The following ADGRL2 variants were observed in gnomAD, a reference collection of about 807,000 sequenced individuals.
ADGRL2 encodes calcium-independent alpha-latrotoxin receptor 2.
ADGRL2 carries 44 observed loss-of-function variants against 157.4 expected under a neutral mutation model. The ratio of observed to expected loss-of-function variants is 0.28; its 90% CI spans 0.22 to 0.36. The LOEUF (loss-of-function observed/expected upper bound fraction) is 0.36, where lower values mean the gene tolerates loss of function less well. Ranked by LOEUF, ADGRL2 falls within the 10% of genes least tolerant of loss-of-function variation. ADGRL2 has a pLI of 1.00. For synonymous variants in ADGRL2, 585 were observed against 624.7 expected (o/e 0.94, Z 0.95); for missense variants, 1,510 against 1,768.9 (o/e 0.85, Z 2.63).
At position 81,700,952 on chromosome 1, in the gene ADGRL2, G is replaced by C. The variant is rs117692514; in HGVS notation, c.-143+1144G>C. 4.6e-5 allele frequency among the ~76,000 whole-genome samples: 7 copies of C among 152,344 alleles called. No individual in the cohort carries two copies. In the East Asian group the frequency reaches 1.4e-3, roughly 29 times the overall value. On this transcript the variant is annotated intron_variant, in intron 1 of 20. Transcript: ENST00000359929. ...TGCCAGCTCTGTGTATAATTACACA[G>C]CATGAGAGTTTGCATGCAAATGCAG...
chr1:81,902,419 G>A lies in ADGRL2; in HGVS notation c.74-4598G>A, dbSNP rs189129469. ...TTGAGACCAGCCTGGCCAACATGGC[G>A]AAACCTCATCTCTACTAAAAATACA... On this transcript the variant is annotated intron_variant, in intron 2 of 23. Coordinates refer to ENST00000686636, the MANE Select transcript of ADGRL2 (RefSeq NM_001366006.2). 7.2e-5 allele frequency among the ~76,000 whole-genome samples: 11 copies of A among 152,190 alleles called. No homozygotes were observed. The East Asian group carries it at 7.7e-4, about 11-fold the overall frequency.
At chr1:81,373,821 T>A (rs1308090277) in intron 1 of ADGRL2, among the ~76,000 whole-genome samples, 2 of 152,158 alleles carry the variant, frequency 1.3e-5, no homozygotes, top group Admixed American at 1.3e-4. Context: ...AAATTGCAGA[T>A]GATTCAAAAC....
chr1:81,392,314 G>C (rs186273721), intron 1 of ADGRL2, among the ~76,000 whole-genome samples: 38 of 151,690 alleles, frequency 2.5e-4, no homozygotes, highest in African/African-American at 9.2e-4. Context: ...AGTTTATTTC[G>C]GGAGGAAGGT....
chr1:81,689,003 A>G (rs558819418), intron 3 of ADGRL2, among the ~76,000 whole-genome samples: 15 of 152,324 alleles, frequency 9.8e-5, no homozygotes, highest in African/African-American at 3.6e-4. Context: ...TTGTCTGCAC[A>G]GAGTCCTGTG....
intron 2 of ADGRL2, among the ~76,000 whole-genome samples, chr1:81,445,970 C>CTA (rs142815135): frequency 0.028 from 4,333 of 152,220 alleles, 208 homozygotes; most frequent in African/African-American, 0.097. Flanking sequence ...GATTGTTTCA[C>CTA]TAAATCTCTA....
chr1:81,465,502 T>C (rs2078034086), intron 2 of ADGRL2, among the ~76,000 whole-genome samples: 1 of 152,146 alleles, frequency 6.6e-6, no homozygotes, highest in Non-Finnish European at 1.5e-5. Flanking sequence ...TTCAGAAAGA[T>C]TTTGTTTTTA....
intron 2 of ADGRL2, among the ~76,000 whole-genome samples, chr1:81,546,873 A>G (rs2080029993): frequency 6.6e-6 from 1 of 152,270 alleles, no homozygotes; most frequent in East Asian, 1.9e-4. Flanking sequence ...TGGTCATCTC[A>G]GGAGGGACTT....
intron 2 of ADGRL2, among the ~76,000 whole-genome samples, chr1:81,841,916 T>G (rs1231105871): frequency 6.6e-6 from 1 of 152,186 alleles, no homozygotes; most frequent in South Asian, 2.1e-4. Flanking sequence ...ATAATGATAT[T>G]CACAGAGGCA....
At chr1:81,470,700 A>G (rs1469240745) in intron 2 of ADGRL2, among the ~76,000 whole-genome samples, 1 of 152,210 alleles carries the variant, frequency 6.6e-6, no homozygotes, top group Non-Finnish European at 1.5e-5. Flanking sequence ...ACACACATAC[A>G]TGTCACATGA....
At chr1:81,581,882 A>G (rs867670443) in intron 3 of ADGRL2, among the ~76,000 whole-genome samples, 2,919 of 143,972 alleles carry the variant, frequency 0.02, 96 homozygotes, top group African/African-American at 0.081. Context: ...GCGCACACAC[A>G]CACACACACA....
intron 3 of ADGRL2, among the ~76,000 whole-genome samples, chr1:81,626,494 G>A (rs1423659860): frequency 1.3e-5 from 2 of 151,980 alleles, no homozygotes; most frequent in East Asian, 1.9e-4. Flanking sequence ...TTCTGGAGAC[G>A]AAGTTTCACC....
intron 1 of ADGRL2, among the ~76,000 whole-genome samples, chr1:81,728,009 G>A (rs2084596472): frequency 6.6e-6 from 1 of 152,070 alleles, no homozygotes; most frequent in Admixed American, 6.6e-5. Flanking sequence ...TTTGTTCAAT[G>A]AGCAAGTGAC....
intron 2 of ADGRL2, among the ~76,000 whole-genome samples, chr1:81,558,367 TA>T (rs1023215274): frequency 4.6e-4 from 70 of 151,724 alleles, no homozygotes; most frequent in Admixed American, 1.4e-3. Context: ...GTGATAATAC[TA>T]AAAAAAAATT....
chr1:81,523,934 A>T (rs2079386878), intron 2 of ADGRL2, among the ~76,000 whole-genome samples: 1 of 152,024 alleles, frequency 6.6e-6, no homozygotes, highest in East Asian at 1.9e-4. Context: ...GTGTGGTGAC[A>T]GGAGCTCATA....
chr1:81,753,977 A>G (rs1291454781), intron 1 of ADGRL2, among the ~76,000 whole-genome samples: 1 of 152,156 alleles, frequency 6.6e-6, no homozygotes, highest in African/African-American at 2.4e-5. Flanking sequence ...GTTGTGGTCT[A>G]AGGAATTTGG....
At chr1:81,722,825 T>G in intron 1 of ADGRL2, 1 of 711,226 alleles carries the variant, frequency 1.4e-6, no homozygotes, top group South Asian at 1.5e-5. Flanking sequence ...TATGGCTCTT[T>G]TCCAGGTGGC....
chr1:81,504,545 A>G (rs2078927340), intron 2 of ADGRL2, among the ~76,000 whole-genome samples: 1 of 151,728 alleles, frequency 6.6e-6, no homozygotes, highest in South Asian at 2.1e-4. Context: ...AAAACAGATC[A>G]CCCCCAAAGC....
At chr1:81,513,788 G>A (rs1379698259) in intron 2 of ADGRL2, 1 of 152,162 alleles carries the variant, frequency 6.6e-6, no homozygotes, top group Non-Finnish European at 1.5e-5. Context: ...CTCCTAACCT[G>A]GAAGAGGAAA....
rs566589532 is a variant in ADGRL2 at position 81,638,527 on chromosome 1, T to C, written c.-143+57547T>C. Among the ~76,000 whole-genome samples, 4 of 152,230 alleles carry C rather than the reference T, an allele frequency of 2.6e-5. No homozygotes were observed. The South Asian group carries it at 8.3e-4, about 32-fold the overall frequency. On this transcript the variant is annotated intron_variant, in intron 3 of 24. Transcript: ENST00000370721. ...TAAATAACAGCTATAATAAAAGCAA[T>C]GAGAGGGAGAAATTAGAATTATTTT...
Sources: gnomAD v4.1 joint callset for allele counts (sites outside exome capture counted in the v4.1 genomes callset) on GRCh38, gnomAD v4.1.1 for gene constraint, MANE v1.5 for transcripts, NCBI Gene and HGNC (gene_info 2026-07-23, HGNC 2026-07-21) for gene names.